DIP2B: variants seen among roughly 807,000 people sequenced by gnomAD.
DIP2B encodes the protein DIP2 acetate--CoA ligase B (putative), also known as disco-interacting protein 2 homolog B.
DIP2B carries 76 observed loss-of-function variants against 198.0 expected under a neutral mutation model. The observed-to-expected ratio is 0.38, with a 90% confidence interval of 0.32 to 0.46. DIP2B has a LOEUF of 0.46. Among genes scored for constraint, DIP2B ranks in the 20% least tolerant of loss-of-function variants. The pLI is 0.99. For missense variants in DIP2B, 1,559 were observed against 1,978.4 expected (o/e 0.79, Z 4.02); for synonymous variants, 701 against 739.1 (o/e 0.95, Z 0.84).
At position 50,747,972 on chromosome 12, in the gene DIP2B, A is replaced by G. The variant is rs1480671037; in HGVS notation, c.*3133A>G. The G allele has an allele frequency of 6.5e-6, 1 of 152,684 alleles. No individual in the cohort carries two copies. The highest frequency in any genetic ancestry group is 2.4e-5 in the African/African-American group (1 of 41,432). The allele number at this position is 152,684 out of a possible 1,614,324, so 9.5% of individuals were successfully genotyped here. The stretch of plus-strand genomic sequence containing the variant: ...TAAAGGGCCAGGTCTCCCCAGTACC[A>G]AGTCCTTTCCTCATGAAGTTGTGTT... On this transcript the variant is annotated 3_prime_UTR_variant, in exon 38 of 38. Coordinates refer to ENST00000301180, the MANE Select transcript of DIP2B (RefSeq NM_173602.3).
chr12:50,644,905 A>G (rs1477722113), intron 3 of DIP2B, among the ~76,000 whole-genome samples: 2 of 152,190 alleles, frequency 1.3e-5, no homozygotes, highest in Admixed American at 1.3e-4. Context: ...TTTAATTAAT[A>G]AATGTAAGAA....
At position 50,640,810 on chromosome 12, in the gene DIP2B, C is replaced by A. The variant is rs778632939; in HGVS notation, c.259C>A (p.Arg87=). The change falls in exon 3 of 38, where the codon CGA becomes AGA. Residue 87 remains arginine, a synonymous_variant. Transcript: ENST00000301180. ...AQTSAPSKYH[R]TRSGGARDER... ...AACTTCTGCTCCCTCTAAGTACCAC[C>A]GAACTCGATCTGGGGGAGCCAGGGA... 3.1e-6 allele frequency: 5 copies of A among 1,613,944 alleles called. No individual in the cohort carries two copies. The South Asian group carries it at 5.5e-5, about 18-fold the overall frequency.
At chr12:50,690,302 G>A (rs1034942841) in intron 12 of DIP2B, among the ~76,000 whole-genome samples, 1 of 152,120 alleles carries the variant, frequency 6.6e-6, no homozygotes. Context: ...TAGCCAGGGT[G>A]GTCTCGATCT....
chr12:50,721,419 A>G (rs200335763), intron 26 of DIP2B, 23 bp downstream of exon 26: 8 of 1,613,336 alleles, frequency 5.0e-6, no homozygotes, highest in Middle Eastern at 1.7e-4. Context: ...TTGGCAGACT[A>G]GAGTTTAAGC....
Position 50,731,397 on chromosome 12 carries a change from A to T in DIP2B, c.3670A>T (p.Ile1224Phe). Residue 1224 changes from isoleucine (I) to phenylalanine (F), a missense_variant, in exon 31 of 38, where the codon ATT becomes TTT. Transcript: ENST00000301180. ...CTATTCAGGCCACCAGTCTGTCTTA[A>T]TTCCTCCTATGGAGTTAGAGAACAA... is the stretch of plus-strand genomic sequence containing the variant. Reference protein sequence around the residue: ...SVYSGHQSVLIPPMELENNLF... With the variant: ...SVYSGHQSVLFPPMELENNLF... 1 of 1,614,140 alleles carries T rather than the reference A, an allele frequency of 6.2e-7. No individual in the cohort carries two copies. Among genetic ancestry groups the T allele is most frequent in the Non-Finnish European group, 8.5e-7 (1 of 1,179,992 alleles).
At chr12:50,677,811 C>T (rs780229231) in intron 7 of DIP2B, among the ~76,000 whole-genome samples, 27 of 151,928 alleles carry the variant, frequency 1.8e-4, no homozygotes, top group Non-Finnish European at 5.9e-5. Context: ...GTTCAGCTGA[C>T]ATTGTTGAAC....
At chr12:50,663,802 C>T (rs533897462) in intron 4 of DIP2B, among the ~76,000 whole-genome samples, 4 of 139,936 alleles carry the variant, frequency 2.9e-5, no homozygotes, top group Non-Finnish European at 3.0e-5. Flanking sequence ...CCCCAGAGGT[C>T]AAGGCTGCAG....
intron 1 of DIP2B, among the ~76,000 whole-genome samples, chr12:50,576,795 C>T (rs1026875344): frequency 6.6e-6 from 1 of 151,950 alleles, no homozygotes. Flanking sequence ...TGACCCTTTA[C>T]AGAAAAAGTT....
chr12:50,674,452 A>C (rs1938909736), intron 5 of DIP2B, 22 bp from the exon 6 acceptor site: 2 of 1,613,882 alleles, frequency 1.2e-6, no homozygotes, highest in East Asian at 4.5e-5. Flanking sequence ...ATATAATTCT[A>C]AACTTTGTTT....
intron 1 of DIP2B, among the ~76,000 whole-genome samples, chr12:50,565,560 A>G (rs1268805743): frequency 2.6e-5 from 4 of 152,150 alleles, no homozygotes; most frequent in African/African-American, 9.6e-5. Context: ...CTTATATATC[A>G]TGTTCCCATA....
chr12:50,727,761 G>A lies in DIP2B; in HGVS notation c.3459G>A (p.Leu1153=). Residue 1153 remains leucine (L), a synonymous_variant, in exon 29 of 38, where the codon TTG becomes TTA. Coordinates refer to ENST00000301180, the MANE Select transcript of DIP2B (RefSeq NM_173602.3). ...ATAAACCGCCCACTCCTGAGATGTT[G>A]GCATATCTTGATTTTAGTGTCTCCA... ...QLYKPPTPEM[L]AYLDFSVSTT... 1 of 1,614,118 alleles carries A rather than the reference G, an allele frequency of 6.2e-7. No individual in the cohort carries two copies. The highest frequency in any genetic ancestry group is 8.5e-7 in the Non-Finnish European group (1 of 1,180,016).
At chr12:50,643,727 G>A (rs1018367948) in intron 3 of DIP2B, among the ~76,000 whole-genome samples, 2 of 152,076 alleles carry the variant, frequency 1.3e-5, no homozygotes, top group African/African-American at 4.8e-5. Context: ...AATCAGCAGG[G>A]GTGGCTCATG....
At chr12:50,650,840 G>A (rs1444415813) in intron 3 of DIP2B, among the ~76,000 whole-genome samples, 6 of 152,074 alleles carry the variant, frequency 3.9e-5, no homozygotes, top group African/African-American at 7.2e-5. Flanking sequence ...GGAATTGCTT[G>A]GTCATATGGT....
chr12:50,723,034 A>G (rs1053383257), intron 26 of DIP2B, among the ~76,000 whole-genome samples, 168 bp from the exon 27 acceptor site: 2 of 152,028 alleles, frequency 1.3e-5, no homozygotes, highest in Non-Finnish European at 2.9e-5. Flanking sequence ...AAAGTTTTAT[A>G]TGCTTCCTTC....
At chr12:50,520,608 C>T (rs1304313900) in intron 1 of DIP2B, among the ~76,000 whole-genome samples, 3 of 152,106 alleles carry the variant, frequency 2.0e-5, no homozygotes, top group East Asian at 1.9e-4. Flanking sequence ...AATGAACATC[C>T]TGTTAAAAAA....
intron 32 of DIP2B, among the ~76,000 whole-genome samples, chr12:50,733,189 A>G (rs1940076499): frequency 6.6e-6 from 1 of 150,806 alleles, no homozygotes; most frequent in Admixed American, 6.6e-5. Flanking sequence ...TACAGACATG[A>G]GCCACCGCGC....
intron 37 of DIP2B, among the ~76,000 whole-genome samples, chr12:50,742,975 T>C (rs544260754): frequency 6.6e-6 from 1 of 152,272 alleles, no homozygotes; most frequent in South Asian, 2.1e-4. Context: ...CAAGAACATC[T>C]TTAGACATCT....
chr12:50,693,035 C>T, intron 14 of DIP2B, 22 bp downstream of exon 14: 3 of 1,600,728 alleles, frequency 1.9e-6, no homozygotes, highest in African/African-American at 2.7e-5. Context: ...AGATTTAAGG[C>T]CCTTAGTGTA....
chr12:50,558,739 G>A (rs1429018723), intron 1 of DIP2B, among the ~76,000 whole-genome samples: 1 of 152,166 alleles, frequency 6.6e-6, no homozygotes, highest in East Asian at 1.9e-4. Flanking sequence ...TTTGGAAACT[G>A]GCAAGTGGGT....
Sources: allele counts gnomAD v4.1 joint callset (sites outside exome capture counted in the v4.1 genomes callset), GRCh38; gene constraint gnomAD v4.1.1; transcripts MANE v1.5; gene names NCBI Gene and HGNC (gene_info 2026-07-23, HGNC 2026-07-21).